The following TNRC6B variants were observed in gnomAD, a reference collection of about 807,000 sequenced individuals.
TNRC6B encodes trinucleotide repeat-containing gene 6B protein.
Under a neutral mutation model 203.6 loss-of-function variants are expected in TNRC6B, and 52 were observed. The ratio of observed to expected loss-of-function variants is 0.26; its 90% CI spans 0.20 to 0.32. The LOEUF is 0.32. Ranked by LOEUF, TNRC6B falls within the 10% of genes least tolerant of loss-of-function variation. The pLI is 1.00. For synonymous variants in TNRC6B, 838 were observed against 845.7 expected (o/e 0.99, Z 0.16); for missense variants, 1,923 against 2,286.2 (o/e 0.84, Z 3.24).
rs371203489 is a variant in TNRC6B at position 40,278,019 on chromosome 22, A to G, written c.3237A>G (p.Pro1079=). 9.0e-6 allele frequency: 14 copies of G among 1,562,572 alleles called. No homozygotes were observed. The highest frequency in any genetic ancestry group is 3.3e-4 in the Middle Eastern group (2 of 6,020). ...MGLLSQTEDN[P]SSKMDLSVGS... is the part of the protein sequence containing the mutation. ...TCCAGAGTCAGACTGAAGATAATCC[A>G]AGCAGCAAAATGGATTTGTCTGTAG... The change falls in exon 9 of 23, where the codon CCA becomes CCG. Residue 1079 remains proline (P), a synonymous_variant. Coordinates refer to ENST00000454349, the MANE Select transcript of TNRC6B (RefSeq NM_001162501.2).
intron 1 of TNRC6B, among the ~76,000 whole-genome samples, chr22:40,181,989 T>C (rs2069136992): frequency 6.6e-6 from 1 of 150,688 alleles, no homozygotes; most frequent in Admixed American, 6.6e-5. Context: ...CTCACGCCTG[T>C]AATCCCAGCA....
intron 12 of TNRC6B, among the ~76,000 whole-genome samples, chr22:40,296,326 AT>A (rs951987835): frequency 0.013 from 1,606 of 125,456 alleles, 9 homozygotes; most frequent in African/African-American, 0.027. Context: ...AGAATGGTGA[AT>A]TTTTTTTTTT....
At chr22:40,214,791 C>T (rs6001844) in intron 1 of TNRC6B, among the ~76,000 whole-genome samples, 31 of 152,234 alleles carry the variant, frequency 2.0e-4, no homozygotes, top group African/African-American at 6.0e-4. Flanking sequence ...TGGCCTCAAG[C>T]GATCCTCCCA....
At chr22:40,128,186 G>C (rs1244943169) in intron 3 of TNRC6B, among the ~76,000 whole-genome samples, 1 of 151,998 alleles carries the variant, frequency 6.6e-6, no homozygotes, top group Non-Finnish European at 1.5e-5. Flanking sequence ...TTTAACTCAG[G>C]CTCTTATGTT....
chr22:40,269,015 G>A (rs536711897), intron 5 of TNRC6B, among the ~76,000 whole-genome samples: 1 of 151,408 alleles, frequency 6.6e-6, no homozygotes, highest in Admixed American at 6.6e-5. Flanking sequence ...AAATTTTACA[G>A]AGAAGGGATT....
In TNRC6B at chr22:40,273,453, G is replaced by A. The variant is rs755722880; in HGVS notation, c.2994G>A (p.Gly998=). Residue 998 remains glycine, a synonymous_variant, in exon 7 of 23, where the codon GGG becomes GGA. Transcript: ENST00000454349. ...CCAAATCTATGCAAGACGGCTGGGG[G>A]GAGAGTGACGGGCCAGTCACAGGAG... ...PNSKSMQDGW[G]ESDGPVTGAR... 5 of 1,610,116 alleles carry A rather than the reference G, an allele frequency of 3.1e-6. No homozygotes were observed. The African/African-American group carries it at 5.3e-5, about 17-fold the overall frequency.
intron 1 of TNRC6B, among the ~76,000 whole-genome samples, chr22:40,190,019 A>C (rs1025139164): frequency 7.2e-5 from 11 of 152,196 alleles, no homozygotes; most frequent in Non-Finnish European, 1.6e-4. Context: ...ACAGATCATC[A>C]CAGGTGCTAA....
chr22:40,075,153 TA>T (rs2067996842), intron 1 of TNRC6B, among the ~76,000 whole-genome samples: 3 of 83,070 alleles, frequency 3.6e-5, no homozygotes, highest in South Asian at 4.4e-4. Flanking sequence ...TATATATATA[TA>T]TATTTTTTTT....
At chr22:40,313,072 A>C in intron 19 of TNRC6B, 75 bp downstream of exon 19, 1 of 1,153,586 alleles carries the variant, frequency 8.7e-7, no homozygotes, top group Admixed American at 2.0e-5. Flanking sequence ...GGAAACTGGC[A>C]TGTATTTCAT....
chr22:40,158,881 A>T (rs1280184357), intron 4 of TNRC6B, among the ~76,000 whole-genome samples: 1 of 152,218 alleles, frequency 6.6e-6, no homozygotes, highest in East Asian at 1.9e-4. Context: ...AATTTTTTTT[A>T]AATCTCAGAA....
At chr22:40,321,059 T>C (rs777570554) in intron 21 of TNRC6B, 31 bp from the exon 22 acceptor site, 135 of 1,611,670 alleles carry the variant, frequency 8.4e-5, no homozygotes, top group Non-Finnish European at 1.1e-4. Flanking sequence ...CCACCTCCAG[T>C]CTTTATCTCA....
intron 1 of TNRC6B, among the ~76,000 whole-genome samples, chr22:40,195,482 A>C (rs1383734821): frequency 6.6e-6 from 1 of 152,134 alleles, no homozygotes; most frequent in Non-Finnish European, 1.5e-5. Flanking sequence ...AATTTATTAG[A>C]GACAGGGCTT....
chr22:40,281,238 C>T lies in TNRC6B; in HGVS notation c.3531C>T (p.Ser1177=). 1 of 1,551,210 alleles carries T rather than the reference C, an allele frequency of 6.4e-7. No individual in the cohort carries two copies. Among genetic ancestry groups the T allele is most frequent in the Non-Finnish European group, 8.7e-7 (1 of 1,146,780 alleles). ...SPSGSTLPNV[S]LGAIGTGLNP... ...CTGGTTCCACACTACCCAACGTCAG[C>T]CTTGGAGCAATCGGCACAGGGCTCA... The change falls in exon 11 of 23, where the codon AGC becomes AGT. Residue 1177 remains serine (S), a synonymous_variant. Coordinates refer to ENST00000454349, the MANE Select transcript of TNRC6B (RefSeq NM_001162501.2).
At chr22:40,237,751 C>T (rs1309237150) in intron 1 of TNRC6B, among the ~76,000 whole-genome samples, 1 of 152,152 alleles carries the variant, frequency 6.6e-6, no homozygotes, top group Admixed American at 6.5e-5. Context: ...GTCTGGATGT[C>T]CCTGTCTCAC....
intron 3 of TNRC6B, among the ~76,000 whole-genome samples, chr22:40,152,427 T>C (rs1157971182): frequency 1.3e-5 from 2 of 152,182 alleles, no homozygotes; most frequent in African/African-American, 4.8e-5. Flanking sequence ...CCCGGGTTCA[T>C]GCCATTCTTC....
At chr22:40,247,360 A>T (rs1421925865) in intron 2 of TNRC6B, among the ~76,000 whole-genome samples, 1 of 152,220 alleles carries the variant, frequency 6.6e-6, no homozygotes. Context: ...CAGTCAAGGC[A>T]GTCACACACA....
intron 2 of TNRC6B, among the ~76,000 whole-genome samples, chr22:40,247,961 G>A (rs1465975548): frequency 1.3e-5 from 2 of 152,092 alleles, no homozygotes; most frequent in Non-Finnish European, 2.9e-5. Context: ...TGTGGTCCCA[G>A]CTACTTTGGA....
intron 1 of TNRC6B, among the ~76,000 whole-genome samples, chr22:40,104,435 C>T (rs1482658367): frequency 6.6e-6 from 1 of 152,138 alleles, no homozygotes; most frequent in South Asian, 2.1e-4. Context: ...GTGGTGTACA[C>T]ACAGGATAGA....
At chr22:40,267,885 G>A (rs577615808) in intron 5 of TNRC6B, among the ~76,000 whole-genome samples, 8 of 151,942 alleles carry the variant, frequency 5.3e-5, no homozygotes, top group African/African-American at 9.6e-5. Context: ...AAAAAAGAGC[G>A]ATTGTTAGGA....
Sources: gnomAD v4.1 joint callset for allele counts (sites outside exome capture counted in the v4.1 genomes callset) on GRCh38, gnomAD v4.1.1 for gene constraint, MANE v1.5 for transcripts, NCBI Gene and HGNC (gene_info 2026-07-23, HGNC 2026-07-21) for gene names.